The following PPP1R9A variants were observed in gnomAD, a reference collection of about 807,000 sequenced individuals.
PPP1R9A encodes the protein neurabin-1.
PPP1R9A carries 59 observed loss-of-function variants against 141.9 expected under a neutral mutation model. The ratio of observed to expected loss-of-function variants is 0.42; its 90% confidence interval spans 0.34 to 0.52. The LOEUF (loss-of-function observed/expected upper bound fraction) is 0.52. PPP1R9A is among the 20% of genes least tolerant of loss of function. The pLI, the probability that PPP1R9A is intolerant of heterozygous loss-of-function variation, is 0.10. For missense variants in PPP1R9A, 1,444 were observed against 1,611.9 expected, an observed-to-expected ratio of 0.90 and a Z score of 1.78; for synonymous variants, 500 against 569.7, an observed-to-expected ratio of 0.88 and a Z score of 1.74.
At chr7:94,928,747 A>C (rs1793786421) in intron 2 of PPP1R9A, among the ~76,000 whole-genome samples, 1 of 152,202 alleles carries the variant, frequency 6.6e-6, no homozygotes, top group South Asian at 2.1e-4. Context: ...TTTTGCTATA[A>C]AAATGTAAAT....
chr7:95,025,154 C>T (rs1455504274), intron 2 of PPP1R9A, among the ~76,000 whole-genome samples: 26 of 151,942 alleles, frequency 1.7e-4, no homozygotes, highest in Admixed American at 1.7e-3. Flanking sequence ...GCAACCTCTG[C>T]CTCCTGGGTT....
intron 7 of PPP1R9A, among the ~76,000 whole-genome samples, chr7:95,208,956 TAAA>T (rs10670515): frequency 1.3e-5 from 1 of 76,920 alleles, no homozygotes; most frequent in Non-Finnish European, 2.4e-5. Flanking sequence ...ATAGCAAAAC[TAAA>T]AAAAAAAAAA....
At chr7:95,222,244 T>C (rs1203846144) in intron 7 of PPP1R9A, among the ~76,000 whole-genome samples, 1 of 152,042 alleles carries the variant, frequency 6.6e-6, no homozygotes, top group Non-Finnish European at 1.5e-5. Context: ...TTAAAAAATA[T>C]ATTCCCAATT....
At chr7:95,238,144 A>G (rs1190204081) in intron 8 of PPP1R9A, among the ~76,000 whole-genome samples, 2 of 152,150 alleles carry the variant, frequency 1.3e-5, no homozygotes, top group Admixed American at 6.6e-5. Flanking sequence ...CTTGTTGCCA[A>G]CTTTTTGTAT....
intron 4 of PPP1R9A, among the ~76,000 whole-genome samples, chr7:95,135,705 TACTC>T (rs58624252): frequency 0.051 from 7,756 of 152,098 alleles, 506 homozygotes; most frequent in East Asian, 0.36. Flanking sequence ...GTATTCCTCT[TACTC>T]ACTCTTAATT....
At chr7:95,245,945 A>AGTGT (rs1168711434) in intron 8 of PPP1R9A, among the ~76,000 whole-genome samples, 5 of 152,198 alleles carry the variant, frequency 3.3e-5, no homozygotes, top group African/African-American at 1.2e-4. Flanking sequence ...GAATGTAAGC[A>AGTGT]GTGTGAGTGC....
chr7:95,038,429 T>C (rs748907409), intron 2 of PPP1R9A, among the ~76,000 whole-genome samples: 2 of 152,136 alleles, frequency 1.3e-5, no homozygotes, highest in Non-Finnish European at 2.9e-5. Context: ...GGGCTTTACC[T>C]ATAAGGAACC....
chr7:94,963,839 A>G lies in PPP1R9A; in HGVS notation c.1395+52331A>G, dbSNP rs1481396399. Among the ~76,000 whole-genome samples the G allele has an allele frequency of 3.3e-5, 5 of 151,814 alleles. No individual in the cohort carries two copies. In the East Asian group the frequency reaches 9.7e-4, roughly 30 times the overall value. On this transcript the variant is annotated intron_variant, in intron 2 of 19. Transcript: ENST00000433360. ...AGAAAAACCACAATAAGTGATGCAC[A>G]TAGGTCTTGGCCTCATGTGGGGGCA...
chr7:95,101,014 G>A (rs562040641), intron 2 of PPP1R9A, among the ~76,000 whole-genome samples: 26 of 151,040 alleles, frequency 1.7e-4, no homozygotes, highest in African/African-American at 2.7e-4. Flanking sequence ...TACCACGCCC[G>A]GCTAATTTTT....
Position 94,911,106 on chromosome 7 carries a change from G to A in PPP1R9A, c.993G>A (p.Met331Ile). Residue 331 changes from methionine to isoleucine, a missense_variant, in exon 2 of 20, where the codon ATG (methionine) becomes ATA (isoleucine). By Grantham distance (10) the Met-to-Ile change is conservative (BLOSUM62 1). This residue lies in a region of PPP1R9A where 490 missense variants were observed against 521.1 expected (regional missense o/e 0.94). Coordinates refer to ENST00000433360, the MANE Select transcript of PPP1R9A (RefSeq NM_001166160.2). ...AACCTTGTGCTGAAAGTAAGGCAAT[G>A]CCAAAGTCCGAAATCCCTTCACCAC... ...PEEPCAESKAMPKSEIPSPQS... is the reference protein window; with the variant it reads ...PEEPCAESKAIPKSEIPSPQS... 2 of 1,614,178 alleles carry A rather than the reference G, an allele frequency of 1.2e-6. No homozygotes were observed. The highest frequency in any genetic ancestry group is 1.7e-6 in the Non-Finnish European group (2 of 1,180,018).
intron 2 of PPP1R9A, among the ~76,000 whole-genome samples, chr7:94,985,837 T>C (rs1213452763): frequency 6.6e-6 from 1 of 152,194 alleles, no homozygotes; most frequent in Non-Finnish European, 1.5e-5. Flanking sequence ...TTTCAGATTG[T>C]TAAATATTCT....
chr7:95,007,798 G>C (rs1017960747), intron 2 of PPP1R9A, among the ~76,000 whole-genome samples: 1 of 152,036 alleles, frequency 6.6e-6, no homozygotes, highest in Non-Finnish European at 1.5e-5. Flanking sequence ...TTTGTCAGGC[G>C]TGGTGGCTCA....
At chr7:95,153,840 T>G (rs902229356) in intron 4 of PPP1R9A, among the ~76,000 whole-genome samples, 1 of 152,192 alleles carries the variant, frequency 6.6e-6, no homozygotes, top group African/African-American at 2.4e-5. Flanking sequence ...TTCCAGTTTT[T>G]TATTTCTTCC....
chr7:94,984,443 T>A (rs1800536553), intron 2 of PPP1R9A, among the ~76,000 whole-genome samples: 2 of 152,176 alleles, frequency 1.3e-5, no homozygotes, highest in South Asian at 4.1e-4. Context: ...AGAATTTGGC[T>A]GTGAATCCAT....
rs1225919679 is a variant in PPP1R9A at position 95,161,988 on chromosome 7, T to C, written c.1754+17T>C. 4.8e-6 allele frequency: 7 copies of C among 1,473,060 alleles called. No homozygotes were observed. In the South Asian group the frequency reaches 6.0e-5, roughly 13 times the overall value. The allele number at this position is 1,473,060 out of a possible 1,614,324, so 91.2% of individuals were successfully genotyped here. A position where few individuals can be genotyped will look rare whatever the true frequency, so the allele number is the denominator to read the frequency against. On this transcript the variant is annotated intron_variant, in intron 5 of 19. Coordinates refer to ENST00000433360, the MANE Select transcript of PPP1R9A (RefSeq NM_001166160.2). ...CAACGTCAGGTAAATACGTGCCTTC[T>C]AATATACACCATGTTGTTACTTTAG...
At chr7:95,072,568 A>G (rs1813995979) in intron 2 of PPP1R9A, among the ~76,000 whole-genome samples, 1 of 136,110 alleles carries the variant, frequency 7.3e-6, no homozygotes, top group Admixed American at 8.7e-5. Flanking sequence ...TTAGCAGGCA[A>G]TATCTCATTA....
At chr7:94,931,655 C>T (rs543223860) in intron 2 of PPP1R9A, among the ~76,000 whole-genome samples, 65 of 152,098 alleles carry the variant, frequency 4.3e-4, no homozygotes, top group South Asian at 1.0e-3. Flanking sequence ...CTCGGCTCAC[C>T]GCAACCTCCA....
At position 95,249,988 on chromosome 7, in the gene PPP1R9A, G is replaced by A. The variant is rs1259288313; in HGVS notation, c.2167-38G>A. ...AATGAGAGATTTTTGCCACAAAAGT[G>A]GCCAAATTATCTTTGCCTTGACGTT... is the stretch of plus-strand genomic sequence containing the variant. On this transcript the variant is annotated intron_variant, in intron 9 of 19. Coordinates refer to ENST00000433360, the MANE Select transcript of PPP1R9A (RefSeq NM_001166160.2). 4 of 1,515,788 alleles carry A rather than the reference G, an allele frequency of 2.6e-6. No individual in the cohort carries two copies. The South Asian group carries it at 4.0e-5, about 15-fold the overall frequency. 93.9% of individuals were successfully genotyped at this position (1,515,788 alleles called of 1,614,324 possible).
At chr7:95,109,318 C>G (rs1452448982) in intron 2 of PPP1R9A, among the ~76,000 whole-genome samples, 1 of 152,202 alleles carries the variant, frequency 6.6e-6, no homozygotes, top group East Asian at 1.9e-4. Context: ...GCTTTTATAT[C>G]AGTTACCACA....
Sources: allele counts gnomAD v4.1 joint callset (sites outside exome capture counted in the v4.1 genomes callset), GRCh38; gene constraint gnomAD v4.1.1; regional missense constraint gnomAD v4.1.1; transcripts MANE v1.5; gene names NCBI Gene and HGNC (gene_info 2026-07-23, HGNC 2026-07-21).